The following ALPL variants were observed in gnomAD, a reference collection of about 807,000 sequenced individuals.
ALPL encodes the protein alkaline phosphatase, tissue-nonspecific isozyme.
A neutral mutation model predicts 51.3 loss-of-function variants in ALPL; 42 were observed. That is an observed-to-expected ratio of 0.82 (90% CI 0.64 to 1.06). ALPL has a LOEUF of 1.06. Ranked by LOEUF, ALPL falls within the 50% of genes least tolerant of loss-of-function variation. ALPL has a pLI of 0.00. For missense variants in ALPL, 589 were observed against 709.4 expected (o/e 0.83, Z 1.93); for synonymous variants, 279 against 296.4 (o/e 0.94, Z 0.60).
At chr1:21,527,958 T>C (rs1643970375) in intron 1 of ALPL, among the ~76,000 whole-genome samples, 1 of 152,198 alleles carries the variant, frequency 6.6e-6, no homozygotes, top group Non-Finnish European at 1.5e-5. Flanking sequence ...GTAAGTGTTC[T>C]GTTTTTTGCT....
intron 8 of ALPL, among the ~76,000 whole-genome samples, chr1:21,572,622 G>A (rs1257977020): frequency 6.6e-6 from 1 of 152,164 alleles, no homozygotes; most frequent in Non-Finnish European, 1.5e-5. Flanking sequence ...CTAACAGCAT[G>A]TGGCACCAAG....
intron 2 of ALPL, among the ~76,000 whole-genome samples, chr1:21,555,175 C>T (rs1276196202): frequency 2.0e-5 from 3 of 148,368 alleles, no homozygotes; most frequent in Non-Finnish European, 4.4e-5. Context: ...ACAAGGTGCT[C>T]AGTGGGGGAG....
intron 1 of ALPL, among the ~76,000 whole-genome samples, chr1:21,539,328 A>G (rs548427781): frequency 3.3e-5 from 5 of 152,220 alleles, no homozygotes; most frequent in Non-Finnish European, 7.3e-5. Context: ...TAATATAGGT[A>G]AAGTGTTTAG....
intron 6 of ALPL, among the ~76,000 whole-genome samples, chr1:21,566,803 T>A (rs1343909422): frequency 6.7e-6 from 1 of 149,884 alleles, no homozygotes; most frequent in Non-Finnish European, 1.5e-5. Flanking sequence ...TGCCATGTTG[T>A]CCAGGCTGGT....
chr1:21,545,915 A>G (rs1416817771), intron 1 of ALPL, among the ~76,000 whole-genome samples: 3 of 152,052 alleles, frequency 2.0e-5, no homozygotes. Context: ...TCTCTAGTTC[A>G]AGCGATTATC....
At chr1:21,567,691 G>A (rs1243423735) in intron 6 of ALPL, among the ~76,000 whole-genome samples, 3 of 152,182 alleles carry the variant, frequency 2.0e-5, no homozygotes, top group African/African-American at 7.2e-5. Context: ...ACCAATTTCT[G>A]TGCCCATTTT....
At chr1:21,515,793 C>T (rs1345894392) in intron 1 of ALPL, among the ~76,000 whole-genome samples, 1 of 152,202 alleles carries the variant, frequency 6.6e-6, no homozygotes, top group Non-Finnish European at 1.5e-5. Context: ...CTGACGTTCT[C>T]AGGCCTCTTG....
At chr1:21,533,784 GTGGTC>G (rs1432051738) in intron 1 of ALPL, among the ~76,000 whole-genome samples, 1 of 152,058 alleles carries the variant, frequency 6.6e-6, no homozygotes, top group African/African-American at 2.4e-5. Flanking sequence ...TTAGCCAGGT[GTGGTC>G]GTGGGCGCCT....
chr1:21,524,359 G>A (rs181147720), intron 1 of ALPL, among the ~76,000 whole-genome samples: 4 of 152,260 alleles, frequency 2.6e-5, no homozygotes, highest in African/African-American at 9.6e-5. Flanking sequence ...GGTGGCACAT[G>A]CCTGTGTCCT....
intron 4 of ALPL, among the ~76,000 whole-genome samples, chr1:21,561,503 C>T (rs1197533977): frequency 6.6e-6 from 1 of 152,126 alleles, no homozygotes; most frequent in African/African-American, 2.4e-5. Flanking sequence ...CATCCTCCCA[C>T]GTTAGCCTCC....
chr1:21,565,491 A>C (rs1285929573), intron 6 of ALPL, among the ~76,000 whole-genome samples: 1 of 152,056 alleles, frequency 6.6e-6, no homozygotes, highest in Non-Finnish European at 1.5e-5. Context: ...GTACAGGCAC[A>C]GGGTATAATT....
chr1:21,554,181 T>C, intron 2 of ALPL, 39 bp downstream of exon 2: 2 of 1,594,184 alleles, frequency 1.3e-6, no homozygotes, highest in Non-Finnish European at 1.7e-6. Context: ...AAAAAGGTGG[T>C]GCAGATGGGG....
Position 21,564,860 on chromosome 1 carries a change from G to A in ALPL, c.648+644G>A, listed in dbSNP as rs992167814. On this transcript the variant is annotated intron_variant, in intron 6 of 11. Coordinates refer to ENST00000374840, the MANE Select transcript of ALPL (RefSeq NM_000478.6). This position sits in a 1 kb window ranked among gnomAD's most constrained non-coding sequence, Gnocchi z 5.8. Reference sequence around the variant, plus strand: ...AGGCCTAGCGAGTGCCCAGAAGGTGGTGGCACTTACGCAGGAGCCACATGT... The same window carrying A: ...AGGCCTAGCGAGTGCCCAGAAGGTGATGGCACTTACGCAGGAGCCACATGT... 3.3e-5 allele frequency among the ~76,000 whole-genome samples: 5 copies of A among 152,186 alleles called. No individual in the cohort carries two copies. The highest frequency in any genetic ancestry group is 7.3e-5 in the Non-Finnish European group (5 of 68,036).
intron 1 of ALPL, among the ~76,000 whole-genome samples, chr1:21,530,244 C>T (rs1406494692): frequency 6.6e-6 from 1 of 152,172 alleles, no homozygotes; most frequent in East Asian, 1.9e-4. Context: ...CAAAACATCA[C>T]TAAACCTAGG....
At chr1:21,509,318 G>A (rs1455291155), upstream of ALPL, 2 of 147,044 alleles carry the variant, frequency 1.4e-5, no homozygotes, top group African/African-American at 4.9e-5. This position sits in a 1 kb window ranked among gnomAD's most constrained non-coding sequence, Gnocchi z 6.0. Context: ...GGCCGGGGCC[G>A]GGCTGGGGAG....
intron 1 of ALPL, among the ~76,000 whole-genome samples, chr1:21,521,112 G>C (rs1239592773): frequency 6.6e-6 from 1 of 152,200 alleles, no homozygotes; most frequent in Non-Finnish European, 1.5e-5. Flanking sequence ...TTCAGTTCCT[G>C]GAGGGTAGGA....
chr1:21,515,947 C>A (rs1463057620), intron 1 of ALPL, among the ~76,000 whole-genome samples: 1 of 152,118 alleles, frequency 6.6e-6, no homozygotes, highest in Non-Finnish European at 1.5e-5. Flanking sequence ...GATCATGGCT[C>A]ACTACAGTGC....
rs886045997 is a variant in ALPL at position 21,577,991 on chromosome 1, C to T, written c.*343C>T. 6 of 402,286 alleles carry T rather than the reference C, an allele frequency of 1.5e-5. No individual in the cohort carries two copies. The highest frequency in any genetic ancestry group is 2.3e-5 in the Non-Finnish European group (5 of 219,040). The allele number at this position is 402,286 out of a possible 1,614,324, so 24.9% of individuals were successfully genotyped here. A position where few individuals can be genotyped will look rare whatever the true frequency, so the allele number is the denominator to read the frequency against. On this transcript the variant is annotated 3_prime_UTR_variant, in exon 12 of 12. Transcript: ENST00000374840. The stretch of plus-strand genomic sequence containing the variant: ...CCAGACCCAGAGGCCCTGAAGCCTC[C>T]GTGGAACATTCTGGATCTGACCCTC...
At chr1:21,516,881 C>T (rs1643811013) in intron 1 of ALPL, among the ~76,000 whole-genome samples, 1 of 152,072 alleles carries the variant, frequency 6.6e-6, no homozygotes, top group South Asian at 2.1e-4. Flanking sequence ...CCTTGATTTA[C>T]CAAAGGTTTT....
Sources: allele counts gnomAD v4.1 joint callset (sites outside exome capture counted in the v4.1 genomes callset), GRCh38; gene constraint gnomAD v4.1.1; non-coding constraint Gnocchi (gnomAD v3.1); transcripts MANE v1.5; gene names NCBI Gene and HGNC (gene_info 2026-07-23, HGNC 2026-07-21).